Variants in TMEM163 observed in about 807,000 individuals in gnomAD.
TMEM163 encodes the protein transmembrane protein 163.
TMEM163 carries 17 observed loss-of-function variants against 29.3 expected under a neutral mutation model. That is an observed-to-expected ratio of 0.58 (90% confidence interval 0.40 to 0.87). The LOEUF (loss-of-function observed/expected upper bound fraction) is 0.87. Ranked by LOEUF, TMEM163 falls within the 40% of genes least tolerant of loss-of-function variation. The pLI is 0.00. For missense variants in TMEM163, 303 were observed against 381.5 expected, an observed-to-expected ratio of 0.79 and a Z score of 1.71; for synonymous variants, 157 against 160.6, an observed-to-expected ratio of 0.98 and a Z score of 0.17.
chr2:134,705,283 G>C (rs1055365102), intron 2 of TMEM163, among the ~76,000 whole-genome samples: 2 of 152,094 alleles, frequency 1.3e-5, no homozygotes, highest in Admixed American at 6.5e-5. Context: ...TTTGGAGATG[G>C]GGTCTTTAAA....
chr2:134,611,818 C>T (rs1574280064), intron 2 of TMEM163, among the ~76,000 whole-genome samples: 1 of 152,194 alleles, frequency 6.6e-6, no homozygotes, highest in Non-Finnish European at 1.5e-5. Flanking sequence ...ACGGCCAGAG[C>T]AGGCAGTGAA....
At chr2:134,674,707 C>T (rs895786902) in intron 2 of TMEM163, among the ~76,000 whole-genome samples, 11 of 151,990 alleles carry the variant, frequency 7.2e-5, no homozygotes, top group African/African-American at 2.7e-4. Flanking sequence ...CCAAAGAAGG[C>T]CATGAAGAGA....
chr2:134,577,734 C>T (rs1316593146), intron 2 of TMEM163, among the ~76,000 whole-genome samples: 2 of 151,896 alleles, frequency 1.3e-5, no homozygotes, highest in Admixed American at 6.6e-5. Context: ...CCTCCGTGCC[C>T]ACCAGGTATT....
In TMEM163 at chr2:134,661,296, G is replaced by A. The variant is rs112463712; in HGVS notation, c.322+51904C>T. 1.6e-3 allele frequency among the ~76,000 whole-genome samples: 239 copies of A among 152,178 alleles called. 1 individual carries two copies. The highest frequency in any genetic ancestry group is 5.6e-3 in the African/African-American group (232 of 41,502). ...TCTTGCACTTCCCAGCTACCACAACGGAGCAAATAAATTTCTGTTCTTTAT... is the reference window on the plus strand; with the variant it reads ...TCTTGCACTTCCCAGCTACCACAACAGAGCAAATAAATTTCTGTTCTTTAT... On this transcript the variant is annotated intron_variant, in intron 2 of 7. Coordinates refer to ENST00000281924, the MANE Select transcript of TMEM163 (RefSeq NM_030923.5).
intron 2 of TMEM163, among the ~76,000 whole-genome samples, chr2:134,690,968 C>T (rs954960300): frequency 1.3e-5 from 2 of 152,180 alleles, no homozygotes; most frequent in African/African-American, 2.4e-5. Context: ...TCCAGGCAAT[C>T]GGTGCCCCAG....
chr2:134,587,973 A>T (rs551145153), intron 2 of TMEM163, among the ~76,000 whole-genome samples: 2 of 152,368 alleles, frequency 1.3e-5, no homozygotes, highest in Admixed American at 1.3e-4. Context: ...ATCCAAAGGG[A>T]AGGAAAATGT....
intron 2 of TMEM163, among the ~76,000 whole-genome samples, chr2:134,667,662 C>CATA: frequency 6.6e-6 from 1 of 152,172 alleles, no homozygotes; most frequent in African/African-American, 2.4e-5. Context: ...ATATATGTAA[C>CATA]CGCTTCTAAA....
intron 2 of TMEM163, among the ~76,000 whole-genome samples, chr2:134,684,415 T>C (rs775810207): frequency 3.9e-5 from 6 of 152,062 alleles, no homozygotes; most frequent in Non-Finnish European, 8.8e-5. Flanking sequence ...TCTGCGAGCA[T>C]GAGTGAAGGC....
intron 5 of TMEM163, among the ~76,000 whole-genome samples, chr2:134,481,384 G>C (rs945617200): frequency 3.3e-5 from 5 of 151,416 alleles, no homozygotes; most frequent in South Asian, 2.1e-4. Context: ...TCATGGGGGG[G>C]GGGGGAGCTT....
At chr2:134,592,945 C>A (rs1681972309) in intron 2 of TMEM163, among the ~76,000 whole-genome samples, 1 of 151,486 alleles carries the variant, frequency 6.6e-6, no homozygotes, top group South Asian at 2.1e-4. Context: ...GTCACAAGTA[C>A]CATCTATTCT....
At chr2:134,567,349 T>G (rs1681319171) in intron 2 of TMEM163, among the ~76,000 whole-genome samples, 1 of 152,136 alleles carries the variant, frequency 6.6e-6, no homozygotes, top group Admixed American at 6.5e-5. Flanking sequence ...TAGTCACCAC[T>G]TATACAGTTA....
In TMEM163 at chr2:134,541,071, G is replaced by T. The variant is rs1192287637; in HGVS notation, c.458+9499C>A. On this transcript the variant is annotated intron_variant, in intron 4 of 7. Coordinates refer to ENST00000281924, the MANE Select transcript of TMEM163 (RefSeq NM_030923.5). ...AAACACCCATGGCATTGCAGAAAAA[G>T]AATATGAGTGGTGAAGGCAAAGCAG... Among the ~76,000 whole-genome samples the T allele has an allele frequency of 2.0e-5, 3 of 152,196 alleles. No individual in the cohort carries two copies. In the East Asian group the frequency reaches 5.8e-4, roughly 29 times the overall value.
intron 2 of TMEM163, among the ~76,000 whole-genome samples, chr2:134,604,008 C>T (rs1272306381): frequency 6.6e-6 from 1 of 152,270 alleles, no homozygotes; most frequent in African/African-American, 2.4e-5. Flanking sequence ...ACCCTCTCTC[C>T]ATCCCCACTG....
At position 134,641,796 on chromosome 2, in the gene TMEM163, T is replaced by C. The variant is rs575336274; in HGVS notation, c.322+71404A>G. ...AATTAAAAAACAGAGGCTATAAGGA[T>C]TGCATTTTTCAAACAAGCCAATTAT... On this transcript the variant is annotated intron_variant, in intron 2 of 7. Coordinates refer to ENST00000281924, the MANE Select transcript of TMEM163 (RefSeq NM_030923.5). 2.6e-5 allele frequency among the ~76,000 whole-genome samples: 4 copies of C among 152,222 alleles called. No individual in the cohort carries two copies. The South Asian group carries it at 6.2e-4, about 24-fold the overall frequency.
rs576200575 is a variant in TMEM163 at position 134,662,084 on chromosome 2, T to C, written c.322+51116A>G. On this transcript the variant is annotated intron_variant, in intron 2 of 7. Coordinates refer to ENST00000281924, the MANE Select transcript of TMEM163 (RefSeq NM_030923.5). ...CTGAGTAGCTGGGACTACAGGCGCG[T>C]GCCACCACACCTGGTTAATTTTTTG... Among the ~76,000 whole-genome samples the C allele has an allele frequency of 3.3e-5, 5 of 151,998 alleles. No homozygotes were observed. The East Asian group carries it at 9.7e-4, about 29-fold the overall frequency.
chr2:134,518,429 T>A (rs957758117), intron 4 of TMEM163, among the ~76,000 whole-genome samples: 1 of 152,240 alleles, frequency 6.6e-6, no homozygotes. Flanking sequence ...AGATAAGTGC[T>A]GGTGTTTCCA....
chr2:134,596,964 G>T (rs181649288), intron 2 of TMEM163, among the ~76,000 whole-genome samples: 5,315 of 152,256 alleles, frequency 0.035, 129 homozygotes, highest in Non-Finnish European at 0.052. Flanking sequence ...CATTGATTTT[G>T]TATCCTGAGA....
chr2:134,558,422 T>C (rs1218263311), intron 2 of TMEM163, among the ~76,000 whole-genome samples: 1 of 152,178 alleles, frequency 6.6e-6, no homozygotes, highest in Non-Finnish European at 1.5e-5. Flanking sequence ...TAAATATTTA[T>C]ACAAGTCTGG....
At chr2:134,718,600 C>T in intron 1 of TMEM163, 134 bp downstream of exon 1, 1 of 600,366 alleles carries the variant, frequency 1.7e-6, no homozygotes, top group Non-Finnish European at 2.2e-6. Flanking sequence ...GCGGCGTTCT[C>T]GCCGGGAAGT....
Sources: allele counts gnomAD v4.1 joint callset (sites outside exome capture counted in the v4.1 genomes callset), GRCh38; gene constraint gnomAD v4.1.1; transcripts MANE v1.5; gene names NCBI Gene and HGNC (gene_info 2026-07-23, HGNC 2026-07-21).